Variants in ACTL8 observed in about 807,000 individuals in gnomAD.
The protein encoded by ACTL8 is actin-like protein 8.
Under a neutral mutation model 9.3 loss-of-function variants are expected in ACTL8, and 3 were observed. That is an observed-to-expected ratio of 0.32 (90% CI 0.15 to 0.83). The LOEUF is 0.83. Ranked by LOEUF, ACTL8 falls within the 40% of genes least tolerant of loss-of-function variation. The pLI, the probability that ACTL8 is intolerant of heterozygous loss-of-function variation, is 0.57. For synonymous variants in ACTL8, 224 were observed against 205.9 expected (o/e 1.09, Z -0.75); for missense variants, 381 against 492.2 (o/e 0.77, Z 2.14).
intron 1 of ACTL8, among the ~76,000 whole-genome samples, chr1:17,779,377 C>T (rs1042159073): frequency 6.6e-6 from 1 of 152,192 alleles, no homozygotes; most frequent in Admixed American, 6.5e-5. Context: ...TCCTTTGCCA[C>T]CCTGTCCGGG....
chr1:17,786,868 A>T (rs1459955337), intron 1 of ACTL8, among the ~76,000 whole-genome samples: 1 of 151,360 alleles, frequency 6.6e-6, no homozygotes. Flanking sequence ...CTATTTTTTT[A>T]AATGTTTTTT....
At chr1:17,812,721 G>C (rs1485104099) in intron 1 of ACTL8, among the ~76,000 whole-genome samples, 2 of 151,096 alleles carry the variant, frequency 1.3e-5, no homozygotes, top group Non-Finnish European at 2.9e-5. Flanking sequence ...GTGAACTCCT[G>C]AGCTCAGGCA....
intron 1 of ACTL8, among the ~76,000 whole-genome samples, chr1:17,772,271 C>T (rs1157621241): frequency 6.6e-6 from 1 of 152,210 alleles, no homozygotes; most frequent in Non-Finnish European, 1.5e-5. Flanking sequence ...GCATGAACTG[C>T]ACTTTGGATC....
intron 1 of ACTL8, among the ~76,000 whole-genome samples, chr1:17,792,376 A>C (rs974904992): frequency 6.6e-6 from 1 of 152,178 alleles, no homozygotes; most frequent in Non-Finnish European, 1.5e-5. Flanking sequence ...TCCATTTATA[A>C]AGTACCATGT....
chr1:17,824,300 TTA>T (rs1283566636), intron 2 of ACTL8, among the ~76,000 whole-genome samples: 1 of 152,198 alleles, frequency 6.6e-6, no homozygotes, highest in East Asian at 1.9e-4. Flanking sequence ...ACACATTCAT[TTA>T]TATGTTATGT....
chr1:17,770,437 C>T (rs555437753), intron 1 of ACTL8, among the ~76,000 whole-genome samples: 4 of 152,310 alleles, frequency 2.6e-5, no homozygotes, highest in East Asian at 3.9e-4. Flanking sequence ...TTTATTGTCT[C>T]TCATAAATTT....
At chr1:17,803,370 C>G (rs1033963410) in intron 1 of ACTL8, among the ~76,000 whole-genome samples, 1 of 152,180 alleles carries the variant, frequency 6.6e-6, no homozygotes, top group Non-Finnish European at 1.5e-5. Context: ...GTATGTTGCC[C>G]AGGCTAGAGT....
rs1031424793 is a variant in ACTL8, at chr1:17,826,628, G to A, written c.*109G>A. ...AGAATGAGGTGGGGTGGGGTGAGCTGGCTTTGGAATTCTAGGGGCATGAGG... is the reference window on the plus strand; with the variant it reads ...AGAATGAGGTGGGGTGGGGTGAGCTAGCTTTGGAATTCTAGGGGCATGAGG... On this transcript the variant is annotated 3_prime_UTR_variant, in exon 3 of 3. Coordinates refer to ENST00000375406, the MANE Select transcript of ACTL8 (RefSeq NM_030812.3). The surrounding 1 kb of genome is among the most constrained non-coding windows in gnomAD (Gnocchi z 4.5). The A allele has an allele frequency of 1.4e-5, 17 of 1,201,058 alleles. No individual in the cohort carries two copies. Among genetic ancestry groups the A allele is most frequent in the Admixed American group, 6.0e-5 (2 of 33,312 alleles). 74.4% of individuals were successfully genotyped at this position (1,201,058 alleles called of 1,614,324 possible).
chr1:17,825,366 T>C (rs2053705269), intron 2 of ACTL8, among the ~76,000 whole-genome samples: 1 of 152,062 alleles, frequency 6.6e-6, no homozygotes, highest in African/African-American at 2.4e-5. Flanking sequence ...CTTCCTCCAC[T>C]GTTTGGAGAC....
At position 17,823,442 on chromosome 1, in the gene ACTL8, C is replaced by CT. The variant is rs888932598; in HGVS notation, c.348+91dup. Reference sequence around the variant, plus strand: ...GACTGATTGGGCACCAGGAATTCTGCTTTTTAAGATAAATTGCCAACCAGG... The same window carrying CT: ...GACTGATTGGGCACCAGGAATTCTGCTTTTTTAAGATAAATTGCCAACCAGG... On this transcript the variant is annotated intron_variant, in intron 2 of 2. Coordinates refer to ENST00000375406, the MANE Select transcript of ACTL8 (RefSeq NM_030812.3). The surrounding 1 kb of genome is among the most constrained non-coding windows in gnomAD (Gnocchi z 5.3). 1.3e-5 allele frequency: 17 copies of CT among 1,337,366 alleles called. No homozygotes were observed. The African/African-American group carries it at 2.1e-4, about 16-fold the overall frequency. The allele number at this position is 1,337,366 out of a possible 1,614,324, so 82.8% of individuals were successfully genotyped here. A position where few individuals can be genotyped will look rare whatever the true frequency, so the allele number is the denominator to read the frequency against.
intron 1 of ACTL8, among the ~76,000 whole-genome samples, chr1:17,808,930 C>T (rs572651071): frequency 2.0e-5 from 3 of 152,202 alleles, no homozygotes; most frequent in African/African-American, 7.2e-5. Context: ...CTTTGTGTGT[C>T]AAGCTAAGTT....
At chr1:17,777,377 C>T (rs781314275) in intron 1 of ACTL8, among the ~76,000 whole-genome samples, 12 of 152,158 alleles carry the variant, frequency 7.9e-5, no homozygotes, top group South Asian at 2.1e-4. Flanking sequence ...CCCCTGAAAT[C>T]CTTCATCCCT....
chr1:17,812,631 G>A lies in ACTL8; in HGVS notation c.-24-10354G>A, dbSNP rs1462481106. Among the ~76,000 whole-genome samples the A allele has an allele frequency of 6.6e-5, 10 of 150,420 alleles. No homozygotes were observed. In the East Asian group the frequency reaches 1.8e-3, roughly 26 times the overall value. ...TTTTTTTGTATTTTAGTAGAGATGG[G>A]GTTTCACTGTGTTGCCCAGGCTGGT... On this transcript the variant is annotated intron_variant, in intron 1 of 2. Coordinates refer to ENST00000375406, the MANE Select transcript of ACTL8 (RefSeq NM_030812.3).
At chr1:17,824,539 A>G (rs977854850) in intron 2 of ACTL8, among the ~76,000 whole-genome samples, 12 of 152,222 alleles carry the variant, frequency 7.9e-5, no homozygotes, top group African/African-American at 2.9e-4. Flanking sequence ...AATATTTACT[A>G]TTGTAGGTTT....
Position 17,786,106 on chromosome 1 carries a change from C to T in ACTL8, c.-25+30602C>T, listed in dbSNP as rs1191918231. Among the ~76,000 whole-genome samples, 8 of 152,336 alleles carry T rather than the reference C, an allele frequency of 5.3e-5. No homozygotes were observed. The East Asian group carries it at 9.7e-4, about 18-fold the overall frequency. ...CTAAGAGGCTCCCGCAGGCCTCTGC[C>T]ATGTGGTCCTCTCCATAGGCAGAGC... On this transcript the variant is annotated intron_variant, in intron 1 of 2. Transcript: ENST00000375406.
intron 1 of ACTL8, among the ~76,000 whole-genome samples, chr1:17,779,941 T>C (rs147943205): frequency 4.3e-4 from 65 of 152,264 alleles, no homozygotes; most frequent in African/African-American, 1.5e-3. Context: ...GTGCAGTGGC[T>C]CATACATGTA....
rs1204680054 is a variant in ACTL8 at position 17,825,835 on chromosome 1, C to T, written c.417C>T (p.Ala139=). 1 of 1,614,136 alleles carries T rather than the reference C, an allele frequency of 6.2e-7. No homozygotes were observed. The highest frequency in any genetic ancestry group is 8.5e-7 in the Non-Finnish European group (1 of 1,180,046). The change falls in exon 3 of 3, where the codon GCC becomes GCT. Residue 139 remains alanine (A), a synonymous_variant. Transcript: ENST00000375406. ...ACCAGCTGCAGATGTCCCTGTATGC[C>T]TCTGGCCTCCTGACCGGAGTGGTGG... ...LADQLQMSLY[A]SGLLTGVVVD... is the part of the protein sequence containing the mutation.
chr1:17,771,411 A>G (rs974814223), intron 1 of ACTL8, among the ~76,000 whole-genome samples: 1 of 152,210 alleles, frequency 6.6e-6, no homozygotes, highest in African/African-American at 2.4e-5. Flanking sequence ...CTCCTAGTAT[A>G]GAATAATGCC....
chr1:17,774,404 G>T (rs111921310), intron 1 of ACTL8, among the ~76,000 whole-genome samples: 2,514 of 152,042 alleles, frequency 0.017, 64 homozygotes, highest in African/African-American at 0.058. Context: ...TCAGCCCCAC[G>T]TGGAGCTTAC....
Sources: allele counts gnomAD v4.1 joint callset (sites outside exome capture counted in the v4.1 genomes callset), GRCh38; gene constraint gnomAD v4.1.1; non-coding constraint Gnocchi (gnomAD v3.1); transcripts MANE v1.5; gene names NCBI Gene and HGNC (gene_info 2026-07-23, HGNC 2026-07-21).